ABCA5: variants seen among roughly 807,000 people sequenced by gnomAD.
The protein encoded by ABCA5 is ATP binding cassette subfamily A member 5.
In ABCA5, 163 loss-of-function variants were observed where a neutral mutation model predicts 206.0. The observed-to-expected ratio is 0.79, with a 90% confidence interval of 0.70 to 0.90. The LOEUF (loss-of-function observed/expected upper bound fraction) is 0.90, where lower values mean the gene tolerates loss of function less well. ABCA5 is among the 40% of genes least tolerant of loss of function. ABCA5 has a pLI of 0.00. For missense variants in ABCA5, 1,859 were observed against 1,912.9 expected, an observed-to-expected ratio of 0.97 and a Z score of 0.53; for synonymous variants, 609 against 613.8, an observed-to-expected ratio of 0.99 and a Z score of 0.11.
In ABCA5 at chr17:69,304,679, C is replaced by A; in HGVS notation, c.920G>T (p.Gly307Val). 1.3e-6 allele frequency: 2 copies of A among 1,584,470 alleles called. No individual in the cohort carries two copies. The highest frequency in any genetic ancestry group is 1.2e-5 in the South Asian group (1 of 85,560). Reference sequence around the variant, plus strand: ...AGTTAAAATACTTACAGATGATAATCCATAAAGGAAAAAAAGCAGAAATAT... The same window carrying A: ...AGTTAAAATACTTACAGATGATAATACATAAAGGAAAAAAAGCAGAAATAT... ...IVIFLLFFLY[G>V]LSSVFFALML... The change falls in exon 7 of 39, where the codon GGA becomes GTA. Residue 307 changes from glycine (G) to valine (V), a missense_variant. Gly to Val is a moderately radical substitution (Grantham distance 109). Coordinates refer to ENST00000392676, the MANE Select transcript of ABCA5 (RefSeq NM_172232.4).
chr17:69,253,910 T>C (rs1324630422), intron 32 of ABCA5, 41 bp from the exon 33 acceptor site: 2 of 1,496,634 alleles, frequency 1.3e-6, no homozygotes, highest in Non-Finnish European at 1.8e-6. Flanking sequence ...CCATGATATA[T>C]ATAAACACAA....
At position 69,256,243 on chromosome 17, in the gene ABCA5, G is replaced by A. The variant is rs1194564456; in HGVS notation, c.3772C>T (p.Pro1258Ser). ...TKSKNRKLPEPPDNEDEDEDV... is the reference protein window; with the variant it reads ...TKSKNRKLPESPDNEDEDEDV... ...TCATCTTCATCCTCATTGTCTGGTGGTTCTGGAAGCTTCCTATTTTTAGAC... is the reference window on the plus strand; with the variant it reads ...TCATCTTCATCCTCATTGTCTGGTGATTCTGGAAGCTTCCTATTTTTAGAC... Residue 1258 changes from proline (P) to serine (S), a missense_variant, in exon 29 of 39, where the codon CCA becomes TCA. Coordinates refer to ENST00000392676, the MANE Select transcript of ABCA5 (RefSeq NM_172232.4). The A allele has an allele frequency of 6.2e-7, 1 of 1,607,074 alleles. No homozygotes were observed. The highest frequency in any genetic ancestry group is 8.5e-7 in the Non-Finnish European group (1 of 1,176,196).
chr17:69,321,090 T>C (rs2145054786), intron 1 of ABCA5, among the ~76,000 whole-genome samples: 1 of 152,134 alleles, frequency 6.6e-6, no homozygotes, highest in Non-Finnish European at 1.5e-5. Flanking sequence ...TTTTGCAGGG[T>C]CTGGAATCCC....
chr17:69,309,329 G>A lies in ABCA5; in HGVS notation c.402C>T (p.Ser134=), dbSNP rs766831884. Residue 134 remains serine, a synonymous_variant, in exon 4 of 39, where the codon TCC becomes TCT. Transcript: ENST00000392676. The stretch of plus-strand genomic sequence containing the variant: ...GAAAAAAACGAAGTTCATAGGACAT[G>A]GAGTCTTTGAAAACCACACCTACAA... The part of the protein sequence containing the change: ...SNFVGVVFKD[S]MSYELRFFPD... 5.6e-6 allele frequency: 9 copies of A among 1,607,026 alleles called. No individual in the cohort carries two copies. The highest frequency in any genetic ancestry group is 6.8e-6 in the Non-Finnish European group (8 of 1,177,908).
intron 19 of ABCA5, among the ~76,000 whole-genome samples, chr17:69,275,430 C>A (rs950373520): frequency 9.9e-5 from 15 of 152,172 alleles, no homozygotes; most frequent in Admixed American, 8.5e-4. Flanking sequence ...TTATAAATTT[C>A]ACATACCCCG....
At chr17:69,293,865 TGTGTGTGC>T (rs772512330) in intron 11 of ABCA5, among the ~76,000 whole-genome samples, 1,775 of 90,596 alleles carry the variant, frequency 0.02, 30 homozygotes, top group African/African-American at 0.056. Flanking sequence ...TGTGTGTGTG[TGTGTGTGC>T]GTGTGTGTGT....
chr17:69,270,758 TAAAAA>T lies in ABCA5; in HGVS notation c.2893-13_2893-9del, dbSNP rs147254872. The T allele has an allele frequency of 1.3e-6, 2 of 1,520,652 alleles. No homozygotes were observed. The highest frequency in any genetic ancestry group is 2.9e-5 in the African/African-American group (2 of 69,912). The allele number at this position is 1,520,652 out of a possible 1,614,324, so 94.2% of individuals were successfully genotyped here. A position where few individuals can be genotyped will look rare whatever the true frequency, so the allele number is the denominator to read the frequency against. On this transcript the variant is annotated splice_polypyrimidine_tract_variant and intron_variant, in intron 21 of 38. Transcript: ENST00000392676. ...AGCTGCAAAAACATAGTCCTACAAT[TAAAAA>T]AAAGACACTTATTACATACTGTATA...
In ABCA5 at chr17:69,264,893, T is replaced by C. The variant is rs1187753652; in HGVS notation, c.3157A>G (p.Thr1053Ala). ...NAENHKIKAY[T>A]QLKLSGLLPS... Reference sequence around the variant, plus strand: ...AAAAGACCTGAAAGTTTAAGTTGAGTATAAGCTTTGATCTAAAAAAAATGA... The same window carrying C: ...AAAAGACCTGAAAGTTTAAGTTGAGCATAAGCTTTGATCTAAAAAAAATGA... The change falls in exon 24 of 39, where the codon ACT becomes GCT. Residue 1053 changes from threonine to alanine, a missense_variant. Physicochemically the swap from Thr to Ala is moderately conservative, Grantham distance 58 (BLOSUM62 0). Coordinates refer to ENST00000392676, the MANE Select transcript of ABCA5 (RefSeq NM_172232.4). The C allele has an allele frequency of 5.2e-6, 8 of 1,528,534 alleles. No individual in the cohort carries two copies. The highest frequency in any genetic ancestry group is 7.0e-6 in the Non-Finnish European group (8 of 1,144,148). The allele number at this position is 1,528,534 out of a possible 1,614,324, so 94.7% of individuals were successfully genotyped here.
At chr17:69,314,244 T>C (rs1003284504) in intron 2 of ABCA5, 70 bp downstream of exon 2, 1 of 710,194 alleles carries the variant, frequency 1.4e-6, no homozygotes, top group Middle Eastern at 3.4e-4. Flanking sequence ...AAATAAATCA[T>C]CACTTCAAGA....
chr17:69,263,661 G>T (rs539711530), intron 24 of ABCA5, among the ~76,000 whole-genome samples: 1 of 138,210 alleles, frequency 7.2e-6, no homozygotes, highest in South Asian at 2.2e-4. Flanking sequence ...GTCAGGTAAT[G>T]AAATGCCTCT....
chr17:69,261,064 CCCAAATTAGA>C, intron 26 of ABCA5, 51 bp downstream of exon 26: 1 of 1,401,444 alleles, frequency 7.1e-7, no homozygotes, highest in Non-Finnish European at 9.6e-7. Flanking sequence ...AACTAACATC[CCCAAATTAGA>C]CCATATTTAT....
chr17:69,296,731 G>A (rs980437158), intron 10 of ABCA5, among the ~76,000 whole-genome samples: 9 of 152,158 alleles, frequency 5.9e-5, no homozygotes, highest in South Asian at 2.1e-4. Context: ...TTGGGAGGCC[G>A]AGGCAGGTGG....
chr17:69,321,864 A>C (rs1567787539), intron 1 of ABCA5, among the ~76,000 whole-genome samples: 1 of 152,192 alleles, frequency 6.6e-6, no homozygotes, highest in Non-Finnish European at 1.5e-5. Flanking sequence ...AGTTTTAAAC[A>C]CCTAACATCT....
chr17:69,265,651 G>A (rs2075199591), intron 23 of ABCA5, among the ~76,000 whole-genome samples: 1 of 151,876 alleles, frequency 6.6e-6, no homozygotes, highest in Non-Finnish European at 1.5e-5. Context: ...CAGAGATAAA[G>A]GAAGCATGAA....
chr17:69,322,153 C>T (rs948839479), intron 1 of ABCA5, among the ~76,000 whole-genome samples: 7 of 151,924 alleles, frequency 4.6e-5, no homozygotes, highest in African/African-American at 1.7e-4. Flanking sequence ...GGGAAGATCA[C>T]GAGGTCAGGA....
At chr17:69,283,859 T>TAA in intron 18 of ABCA5, 94 bp downstream of exon 18, 12 of 1,259,790 alleles carry the variant, frequency 9.5e-6, no homozygotes, top group East Asian at 3.1e-5. Flanking sequence ...CCCTTTATTC[T>TAA]AAAAAAAATA....
At chr17:69,306,399 G>A (rs965845205) in intron 6 of ABCA5, among the ~76,000 whole-genome samples, 2 of 152,004 alleles carry the variant, frequency 1.3e-5, no homozygotes, top group African/African-American at 4.8e-5. Context: ...CCTGAACTCT[G>A]AAATACACAG....
intron 12 of ABCA5, among the ~76,000 whole-genome samples, chr17:69,290,929 T>C (rs2144984014): frequency 6.6e-6 from 1 of 152,248 alleles, no homozygotes; most frequent in Non-Finnish European, 1.5e-5. Flanking sequence ...TAATTTCCAA[T>C]AAGTTACTCA....
intron 23 of ABCA5, among the ~76,000 whole-genome samples, chr17:69,266,080 A>G (rs2075204463): frequency 6.6e-6 from 1 of 152,196 alleles, no homozygotes; most frequent in Admixed American, 6.5e-5. Context: ...ACCATGGAAT[A>G]TTACTCAGCA....
Sources: allele counts gnomAD v4.1 joint callset (sites outside exome capture counted in the v4.1 genomes callset), GRCh38; gene constraint gnomAD v4.1.1; transcripts MANE v1.5; gene names NCBI Gene and HGNC (gene_info 2026-07-23, HGNC 2026-07-21).